Variants in TLN2 observed in about 807,000 individuals in gnomAD.
TLN2 encodes the protein talin-2.
TLN2 carries 118 observed loss-of-function variants against 294.7 expected under a neutral mutation model. That is an observed-to-expected ratio of 0.40 (90% confidence interval 0.34 to 0.47). TLN2 has a LOEUF of 0.47. Ranked by LOEUF, TLN2 falls within the 20% of genes least tolerant of loss-of-function variation. The pLI, the probability that TLN2 is intolerant of heterozygous loss-of-function variation, is 0.84. For synonymous variants in TLN2, 1,431 were observed against 1,304.5 expected (o/e 1.10, Z -2.09); for missense variants, 3,083 against 3,282.2 (o/e 0.94, Z 1.48).
At chr15:62,446,375 CTT>C (rs374880643) in intron 1 of TLN2, among the ~76,000 whole-genome samples, 20 of 152,300 alleles carry the variant, frequency 1.3e-4, no homozygotes, top group African/African-American at 4.6e-4. Flanking sequence ...CTTGGGTCTT[CTT>C]TTTGTATTTT....
chr15:62,739,321 A>G (rs1229914685), intron 30 of TLN2, 27 bp from the exon 31 acceptor site: 2 of 1,603,698 alleles, frequency 1.2e-6, no homozygotes, highest in Non-Finnish European at 1.7e-6. Context: ...AGAATGTCTC[A>G]TGGGGTGTGC....
intron 1 of TLN2, among the ~76,000 whole-genome samples, chr15:62,582,244 A>ACC (rs1346271623): frequency 0.016 from 1,597 of 102,770 alleles, 45 homozygotes; most frequent in East Asian, 0.04. Flanking sequence ...ACACACACAC[A>ACC]CACATTCATG....
chr15:62,671,718 TTTA>T (rs1344848348), intron 9 of TLN2, among the ~76,000 whole-genome samples: 1 of 152,236 alleles, frequency 6.6e-6, no homozygotes, highest in African/African-American at 2.4e-5. Flanking sequence ...TCTCTTTTAA[TTTA>T]TTATTATGTC....
intron 31 of TLN2, among the ~76,000 whole-genome samples, chr15:62,739,919 G>C (rs1567500996): frequency 6.6e-6 from 1 of 152,150 alleles, no homozygotes; most frequent in Admixed American, 6.5e-5. Context: ...GGACCATTCA[G>C]ATGGTCTGTG....
At chr15:62,735,745 A>C (rs979686547) in intron 28 of TLN2, among the ~76,000 whole-genome samples, 6 of 152,180 alleles carry the variant, frequency 3.9e-5, no homozygotes, top group African/African-American at 1.4e-4. Context: ...TATCTAAGAG[A>C]AGTGATCCCA....
intron 38 of TLN2, 113 bp from the exon 39 acceptor site, chr15:62,762,159 T>G (rs2062719347): frequency 8.1e-7 from 1 of 1,231,148 alleles, no homozygotes; most frequent in South Asian, 1.4e-5. Context: ...GCCCTCTTTG[T>G]CTCCTTCAAA....
At chr15:62,574,632 TTG>T (rs1029068234) in intron 1 of TLN2, among the ~76,000 whole-genome samples, 1 of 140,950 alleles carries the variant, frequency 7.1e-6, no homozygotes, top group Non-Finnish European at 1.5e-5. Context: ...CTATTTCCTT[TTG>T]TGTGTGTAAT....
chr15:62,615,499 C>T (rs192210046), intron 2 of TLN2, among the ~76,000 whole-genome samples: 72 of 152,308 alleles, frequency 4.7e-4, no homozygotes, highest in Non-Finnish European at 1.9e-4. Context: ...ATAAGATAGT[C>T]TACTGTATAT....
chr15:62,466,360 C>T (rs2037134032), intron 1 of TLN2, among the ~76,000 whole-genome samples: 1 of 152,224 alleles, frequency 6.6e-6, no homozygotes, highest in African/African-American at 2.4e-5. Context: ...GTCCTCAGCA[C>T]TGTTGCCGTT....
chr15:62,796,657 G>A (rs1232333888), intron 47 of TLN2, among the ~76,000 whole-genome samples: 3 of 152,180 alleles, frequency 2.0e-5, no homozygotes, highest in African/African-American at 7.2e-5. Flanking sequence ...TGGGAAGATA[G>A]GGGCTCAAAG....
intron 1 of TLN2, among the ~76,000 whole-genome samples, chr15:62,471,827 G>A (rs187340758): frequency 6.6e-6 from 1 of 152,116 alleles, no homozygotes; most frequent in Non-Finnish European, 1.5e-5. Context: ...CTTCCCAAAG[G>A]CTGCAGGCAG....
intron 51 of TLN2, among the ~76,000 whole-genome samples, chr15:62,808,126 C>T (rs1446209127): frequency 1.3e-5 from 2 of 152,160 alleles, no homozygotes; most frequent in African/African-American, 2.4e-5. Flanking sequence ...CATACTGGCT[C>T]ATCTTAGAAT....
chr15:62,393,916 C>A (rs1012062917), intron 1 of TLN2, among the ~76,000 whole-genome samples: 2 of 150,350 alleles, frequency 1.3e-5, no homozygotes, highest in Non-Finnish European at 2.9e-5. Flanking sequence ...GCTGGGACTG[C>A]AGGCACGCAC....
rs116531610 is a variant in TLN2 at position 62,469,461 on chromosome 15, G to A, written c.-238+78776G>A. The stretch of plus-strand genomic sequence containing the variant: ...GTTCTTTATAAAGAAAAGTGTGCCC[G>A]TGCATTTTGAAGTCCCAAGCTTTTT... On this transcript the variant is annotated intron_variant, in intron 1 of 58. Transcript: ENST00000636159. 3.2e-3 allele frequency among the ~76,000 whole-genome samples: 487 copies of A among 152,342 alleles called. 3 individuals carry two copies. Among genetic ancestry groups the A allele is most frequent in the African/African-American group, 0.011 (466 of 41,576 alleles).
intron 11 of TLN2, among the ~76,000 whole-genome samples, chr15:62,676,414 T>C (rs116979204): frequency 0.025 from 3,746 of 152,220 alleles, 75 homozygotes; most frequent in South Asian, 0.051. Flanking sequence ...TTAAGAAAAA[T>C]AATTGAGAGG....
At chr15:62,783,735 G>A (rs1184219985) in intron 44 of TLN2, 36 bp from the exon 45 acceptor site, 3 of 1,555,124 alleles carry the variant, frequency 1.9e-6, no homozygotes, top group Non-Finnish European at 2.6e-6. Flanking sequence ...GTGTGTGTGT[G>A]TGTGTGTGTG....
chr15:62,429,395 CAT>C (rs1271403367), intron 1 of TLN2, among the ~76,000 whole-genome samples: 3 of 152,138 alleles, frequency 2.0e-5, no homozygotes, highest in Non-Finnish European at 2.9e-5. Flanking sequence ...ATGAAAAGCA[CAT>C]GTGTTAAGAT....
intron 1 of TLN2, among the ~76,000 whole-genome samples, chr15:62,586,600 G>A (rs894175998): frequency 6.6e-6 from 1 of 152,116 alleles, no homozygotes; most frequent in Admixed American, 6.5e-5. Flanking sequence ...CCATTATGGG[G>A]ATACATTTCT....
chr15:62,626,420 T>C (rs971996324), intron 3 of TLN2, among the ~76,000 whole-genome samples: 9 of 152,208 alleles, frequency 5.9e-5, no homozygotes, highest in Admixed American at 4.6e-4. Flanking sequence ...TGGAATATTA[T>C]AGTCAAAGAT....
Sources: gnomAD v4.1 joint callset for allele counts (sites outside exome capture counted in the v4.1 genomes callset) on GRCh38, gnomAD v4.1.1 for gene constraint, MANE v1.5 for transcripts, NCBI Gene and HGNC (gene_info 2026-07-23, HGNC 2026-07-21) for gene names.